The following GABPB1 variants were observed in gnomAD, a reference collection of about 807,000 sequenced individuals.
The protein encoded by GABPB1 is GA binding protein transcription factor subunit beta 1.
GABPB1 carries 15 observed loss-of-function variants against 45.9 expected under a neutral mutation model. That is an observed-to-expected ratio of 0.33 (90% confidence interval 0.22 to 0.50). The LOEUF (loss-of-function observed/expected upper bound fraction) is 0.50, where lower values mean the gene tolerates loss of function less well. Ranked by LOEUF, GABPB1 falls within the 20% of genes least tolerant of loss-of-function variation. GABPB1 has a pLI of 0.98. For missense variants in GABPB1, 252 were observed against 457.5 expected (o/e 0.55, Z 4.10); for synonymous variants, 143 against 154.4 (o/e 0.93, Z 0.55).
At chr15:50,307,021 A>G (rs752857857) in intron 2 of GABPB1, among the ~76,000 whole-genome samples, 2 of 152,134 alleles carry the variant, frequency 1.3e-5, no homozygotes, top group Non-Finnish European at 2.9e-5. Flanking sequence ...TTGCTGCTAA[A>G]TACAGTAGTC....
At chr15:50,286,244 C>A in intron 7 of GABPB1, 61 bp from the exon 8 acceptor site, 1 of 1,164,506 alleles carries the variant, frequency 8.6e-7, no homozygotes. Context: ...AGAAATAAAA[C>A]TAGTCTTGAC....
chr15:50,302,951 T>G lies in GABPB1; in HGVS notation c.449A>C (p.Glu150Ala), dbSNP rs1461039251. 6.2e-7 allele frequency: 1 copy of G among 1,612,366 alleles called. No individual in the cohort carries two copies. Among genetic ancestry groups the G allele is most frequent in the East Asian group, 2.2e-5 (1 of 44,830 alleles). ...TACCTGTAATATCTCTGCTAAATCTTCATTTCCATTGTCTATTGAAATATC... is the reference window on the plus strand; with the variant it reads ...TACCTGTAATATCTCTGCTAAATCTGCATTTCCATTGTCTATTGAAATATC... ...AFDISIDNGN[E>A]DLAEILQIAM... The change falls in exon 4 of 9, where the codon GAA (glutamate) becomes GCA (alanine). Residue 150 changes from glutamate to alanine, a missense_variant. Glu to Ala is a moderately radical substitution (Grantham distance 107). This residue lies in a region of GABPB1 where 193 missense variants were observed against 259.9 expected (regional missense o/e 0.74). Transcript: ENST00000380877.
rs2046147600 is a variant in GABPB1, at chr15:50,286,226, G to T, written c.884-43C>A. 4 of 1,311,062 alleles carry T rather than the reference G, an allele frequency of 3.1e-6. No homozygotes were observed. The East Asian group carries it at 7.8e-5, about 26-fold the overall frequency. The allele number at this position is 1,311,062 out of a possible 1,614,324, so 81.2% of individuals were successfully genotyped here. On this transcript the variant is annotated intron_variant, in intron 7 of 8. Coordinates refer to ENST00000380877, the MANE Select transcript of GABPB1 (RefSeq NM_016654.5). ...TTATGTATTACTTCATTTTCAGAGA[G>T]ATTTATTAGAAATAAAACTAGTCTT...
chr15:50,325,053 A>G (rs1395425777), intron 1 of GABPB1, among the ~76,000 whole-genome samples: 1 of 152,260 alleles, frequency 6.6e-6, no homozygotes, highest in East Asian at 1.9e-4. Flanking sequence ...GAAGGTGTTC[A>G]GTAATGTGTG....
intron 1 of GABPB1, among the ~76,000 whole-genome samples, chr15:50,343,197 C>A (rs1418359690): frequency 6.6e-6 from 1 of 152,116 alleles, no homozygotes; most frequent in Admixed American, 6.5e-5. Flanking sequence ...CCGTGCCCCG[C>A]AGGACTTAAC....
At position 50,275,509 on chromosome 15, in the gene GABPB1, C is replaced by T. The variant is rs1322833181; in HGVS notation, c.*3123G>A. On this transcript the variant is annotated 3_prime_UTR_variant, in exon 9 of 9. Coordinates refer to ENST00000380877, the MANE Select transcript of GABPB1 (RefSeq NM_016654.5). ...CATAAATGTAAAATGCAATTAATAC[C>T]CTGATAAACCCATTGTAAAGTCAAA... 2.0e-5 allele frequency: 3 copies of T among 152,044 alleles called. No homozygotes were observed. The highest frequency in any genetic ancestry group is 1.3e-4 in the Admixed American group (2 of 15,260). 9.4% of individuals were successfully genotyped at this position (152,044 alleles called of 1,614,324 possible).
chr15:50,335,783 C>A (rs187311141), intron 1 of GABPB1, among the ~76,000 whole-genome samples: 119 of 151,142 alleles, frequency 7.9e-4, no homozygotes, highest in Non-Finnish European at 1.4e-3. Flanking sequence ...GTAATCCCAG[C>A]TACTCAGAAG....
chr15:50,323,221 G>A (rs976730430), intron 1 of GABPB1, among the ~76,000 whole-genome samples: 3 of 152,110 alleles, frequency 2.0e-5, no homozygotes, highest in African/African-American at 4.8e-5. Flanking sequence ...ATCTGTGGCT[G>A]CAGGCACCAC....
At chr15:50,338,252 C>T (rs1167790678) in intron 1 of GABPB1, among the ~76,000 whole-genome samples, 2 of 152,038 alleles carry the variant, frequency 1.3e-5, no homozygotes, top group Non-Finnish European at 2.9e-5. Flanking sequence ...GTTGGTCAGG[C>T]TGGTCTCGAA....
At chr15:50,282,214 T>A (rs1444926819) in intron 8 of GABPB1, 1 of 434,818 alleles carries the variant, frequency 2.3e-6, no homozygotes, top group Non-Finnish European at 4.6e-6. Context: ...AATAAATAAA[T>A]AAATACAAAC....
intron 1 of GABPB1, among the ~76,000 whole-genome samples, chr15:50,339,668 T>C (rs2048280460): frequency 1.4e-5 from 2 of 146,164 alleles, no homozygotes; most frequent in African/African-American, 2.8e-5. Flanking sequence ...TTTCTAAAAA[T>C]TAACTCAGAA....
At chr15:50,324,562 T>TTTTA in intron 1 of GABPB1, among the ~76,000 whole-genome samples, 1 of 148,466 alleles carries the variant, frequency 6.7e-6, no homozygotes, top group Non-Finnish European at 1.5e-5. Flanking sequence ...TTTTTTTTTT[T>TTTTA]GAGACAGAGT....
chr15:50,329,060 G>A (rs2047866788), intron 1 of GABPB1, among the ~76,000 whole-genome samples: 1 of 152,084 alleles, frequency 6.6e-6, no homozygotes, highest in South Asian at 2.1e-4. Flanking sequence ...TTTCGATTTG[G>A]CTTTTCCATC....
chr15:50,349,115 TAAACCTTACCC>T (rs1165732980), intron 1 of GABPB1: 2 of 152,178 alleles, frequency 1.3e-5, no homozygotes, highest in Non-Finnish European at 2.9e-5. Context: ...CATCTTGTGG[TAAACCTTACCC>T]AAACTGATAT....
intron 1 of GABPB1, among the ~76,000 whole-genome samples, chr15:50,338,533 G>A (rs1206553114): frequency 3.9e-5 from 6 of 152,054 alleles, no homozygotes; most frequent in Non-Finnish European, 7.3e-5. Context: ...GAGTGTAGTG[G>A]TGCAATGTCA....
intron 8 of GABPB1, among the ~76,000 whole-genome samples, chr15:50,283,412 A>G (rs1230081774): frequency 6.6e-6 from 1 of 151,990 alleles, no homozygotes; most frequent in Non-Finnish European, 1.5e-5. Flanking sequence ...GCCCCACAAA[A>G]TTTACAATAC....
intron 1 of GABPB1, among the ~76,000 whole-genome samples, chr15:50,334,507 T>A (rs2048052317): frequency 7.5e-6 from 1 of 132,988 alleles, no homozygotes. Flanking sequence ...TTTTTTTCCT[T>A]TTTTTTTTTT....
At chr15:50,344,897 A>G (rs6493429) in intron 1 of GABPB1, among the ~76,000 whole-genome samples, 75,191 of 152,008 alleles carry the variant, frequency 0.49, 19,648 homozygotes, top group Middle Eastern at 0.65. Flanking sequence ...ACTACTTCAA[A>G]ATTTAAGTAT....
At chr15:50,321,015 T>C (rs1428693807) in intron 1 of GABPB1, among the ~76,000 whole-genome samples, 1 of 152,216 alleles carries the variant, frequency 6.6e-6, no homozygotes, top group African/African-American at 2.4e-5. Context: ...TATGTTGTTT[T>C]AAGGCACTAA....
Sources: allele counts gnomAD v4.1 joint callset (sites outside exome capture counted in the v4.1 genomes callset), GRCh38; gene constraint gnomAD v4.1.1; regional missense constraint gnomAD v4.1.1; transcripts MANE v1.5; gene names NCBI Gene and HGNC (gene_info 2026-07-23, HGNC 2026-07-21).